The following CD226 variants were observed in gnomAD, a reference collection of about 807,000 sequenced individuals.
CD226 encodes the protein CD226 molecule, also known as CD226 antigen.
In CD226, 24 loss-of-function variants were observed where a neutral mutation model predicts 34.9. The ratio of observed to expected loss-of-function variants is 0.69; its 90% CI spans 0.50 to 0.97. The LOEUF (loss-of-function observed/expected upper bound fraction) is 0.97. Among genes scored for constraint, CD226 ranks in the 50% least tolerant of loss-of-function variants. The pLI, the probability that CD226 is intolerant of heterozygous loss-of-function variation, is 0.00. For synonymous variants in CD226, 148 were observed against 147.4 expected (o/e 1.00, Z -0.03); for missense variants, 397 against 412.7 (o/e 0.96, Z 0.33).
At chr18:69,866,606 T>C (rs1471085074) in intron 5 of CD226, among the ~76,000 whole-genome samples, 1 of 152,252 alleles carries the variant, frequency 6.6e-6, no homozygotes, top group Admixed American at 6.5e-5. Context: ...TCTGGTTCTT[T>C]TATGCAATTT....
chr18:69,961,492 G>A (rs748052822), upstream of CD226: 2 of 152,118 alleles, frequency 1.3e-5, no homozygotes, highest in Admixed American at 6.5e-5. Flanking sequence ...ATCAATCATT[G>A]AAGACCTTTT....
chr18:69,948,382 C>G (rs1344745885), upstream of CD226, among the ~76,000 whole-genome samples: 1 of 152,084 alleles, frequency 6.6e-6, no homozygotes, highest in Non-Finnish European at 1.5e-5. Flanking sequence ...ATGCATTTGA[C>G]CCTGGTAAGA....
At position 69,953,924 on chromosome 18, in the gene CD226, C is replaced by A. The variant is rs558432972; in HGVS notation, c.-28+2831G>T. 1.6e-4 allele frequency among the ~76,000 whole-genome samples: 24 copies of A among 151,002 alleles called. No homozygotes were observed. The South Asian group carries it at 5.0e-3, about 32-fold the overall frequency. On this transcript the variant is annotated intron_variant, in intron 1 of 6. Coordinates refer to the CD226 transcript ENST00000280200. ...CTGAGACAGGAGAATCGCTTGAACC[C>A]AGGAGGTGGAGGTTGCAGTGAGCTG...
At chr18:69,956,111 AAGAC>A (rs2055895508) in intron 1 of CD226, among the ~76,000 whole-genome samples, 1 of 152,208 alleles carries the variant, frequency 6.6e-6, no homozygotes, top group Non-Finnish European at 1.5e-5. Context: ...GGGATCCTCT[AAGAC>A]AGGGTTCTGA....
At chr18:69,890,152 A>C (rs1171842003) in intron 3 of CD226, among the ~76,000 whole-genome samples, 1 of 152,236 alleles carries the variant, frequency 6.6e-6, no homozygotes, top group East Asian at 1.9e-4. Flanking sequence ...ATTAAAATGG[A>C]CACAGCCCCT....
intron 3 of CD226, among the ~76,000 whole-genome samples, chr18:69,891,758 G>C (rs996142399): frequency 6.6e-6 from 1 of 152,108 alleles, no homozygotes; most frequent in African/African-American, 2.4e-5. Context: ...AAGGAATAAA[G>C]TATTTAAGAA....
chr18:69,934,057 AG>A (rs1206473738), intron 2 of CD226, among the ~76,000 whole-genome samples: 2 of 152,198 alleles, frequency 1.3e-5, no homozygotes, highest in African/African-American at 4.8e-5. Context: ...GACTTTACAA[AG>A]GATCTCTTTT....
intron 3 of CD226, among the ~76,000 whole-genome samples, chr18:69,890,352 T>A (rs1440310102): frequency 2.6e-5 from 4 of 152,066 alleles, no homozygotes; most frequent in African/African-American, 9.7e-5. Context: ...ATCCCAGCAC[T>A]TTAGGAGGCT....
rs549896531 is a variant in CD226 at position 69,863,617 on chromosome 18, T to C, written c.*697A>G. On this transcript the variant is annotated 3_prime_UTR_variant, in exon 6 of 6. Coordinates refer to ENST00000582621, the MANE Select transcript of CD226 (RefSeq NM_001303618.2). ...TCCATCCCATATTTCACTTTTTAGT[T>C]AACAAAAATGTCTTGGTTAATCACT... The C allele has an allele frequency of 6.6e-6, 1 of 152,308 alleles. No individual in the cohort carries two copies. The highest frequency in any genetic ancestry group is 6.5e-5 in the Admixed American group (1 of 15,284). 9.4% of individuals were successfully genotyped at this position (152,308 alleles called of 1,614,324 possible). A position where few individuals can be genotyped will look rare whatever the true frequency, so the allele number is the denominator to read the frequency against.
At chr18:69,928,326 T>C (rs1441152300) in intron 2 of CD226, among the ~76,000 whole-genome samples, 1 of 152,136 alleles carries the variant, frequency 6.6e-6, no homozygotes, top group Non-Finnish European at 1.5e-5. Context: ...TGAGCATGTC[T>C]CCTAAGGGCA....
intron 3 of CD226, among the ~76,000 whole-genome samples, chr18:69,884,775 G>A (rs1355493196): frequency 6.6e-6 from 1 of 152,218 alleles, no homozygotes; most frequent in African/African-American, 2.4e-5. Context: ...AATCTAGGAT[G>A]AAGCATGTGT....
At chr18:69,884,510 G>A (rs899480122) in intron 3 of CD226, among the ~76,000 whole-genome samples, 4 of 152,150 alleles carry the variant, frequency 2.6e-5, no homozygotes, top group South Asian at 2.1e-4. Context: ...TCTTTTTAAC[G>A]GCCAGATAAG....
At chr18:69,920,095 A>G (rs2145307128) in intron 2 of CD226, among the ~76,000 whole-genome samples, 1 of 152,164 alleles carries the variant, frequency 6.6e-6, no homozygotes, top group Non-Finnish European at 1.5e-5. Context: ...GAACTCTAGG[A>G]TCAAGGGATC....
At chr18:69,887,754 C>T (rs1166813249) in intron 3 of CD226, among the ~76,000 whole-genome samples, 1 of 152,106 alleles carries the variant, frequency 6.6e-6, no homozygotes, top group African/African-American at 2.4e-5. Flanking sequence ...CATGGCCTAC[C>T]TTTGAGTTCT....
chr18:69,873,918 TATA>T (rs1983703302), intron 3 of CD226, among the ~76,000 whole-genome samples: 1 of 152,150 alleles, frequency 6.6e-6, no homozygotes, highest in Non-Finnish European at 1.5e-5. Context: ...TTATGCCTGA[TATA>T]TTAAGTACAT....
chr18:69,935,729 C>CA, intron 2 of CD226, among the ~76,000 whole-genome samples: 1 of 152,318 alleles, frequency 6.6e-6, no homozygotes, highest in Non-Finnish European at 1.5e-5. Context: ...CAGCTATACT[C>CA]ACAGAATGTT....
chr18:69,877,592 A>G (rs1211589125), intron 3 of CD226, among the ~76,000 whole-genome samples: 1 of 152,210 alleles, frequency 6.6e-6, no homozygotes, highest in Non-Finnish European at 1.5e-5. Context: ...TTTGACCCAC[A>G]TTCAGATTAG....
At chr18:69,868,668 T>C (rs550796679) in intron 4 of CD226, among the ~76,000 whole-genome samples, 1 of 152,334 alleles carries the variant, frequency 6.6e-6, no homozygotes, top group African/African-American at 2.4e-5. Flanking sequence ...ATTTTAAAGA[T>C]AAGGAAAAGA....
At chr18:69,920,692 C>A (rs894698601) in intron 2 of CD226, among the ~76,000 whole-genome samples, 2 of 152,100 alleles carry the variant, frequency 1.3e-5, no homozygotes, top group Admixed American at 1.3e-4. Flanking sequence ...CACTTTGCAG[C>A]GGATGTTTAT....
Sources: gnomAD v4.1 joint callset for allele counts (sites outside exome capture counted in the v4.1 genomes callset) on GRCh38, gnomAD v4.1.1 for gene constraint, MANE v1.5 for transcripts, NCBI Gene and HGNC (gene_info 2026-07-23, HGNC 2026-07-21) for gene names.